Variants in MTMR9 observed in about 807,000 individuals in gnomAD.
The protein encoded by MTMR9 is myotubularin related protein 9, also known as myotubularin-related protein 9.
MTMR9 carries 39 observed loss-of-function variants against 69.5 expected under a neutral mutation model. That is an observed-to-expected ratio of 0.56 (90% CI 0.43 to 0.73). The LOEUF (loss-of-function observed/expected upper bound fraction) is 0.73, where lower values mean the gene tolerates loss of function less well. Among genes scored for constraint, MTMR9 ranks in the 30% least tolerant of loss-of-function variants. MTMR9 has a pLI of 0.00. For synonymous variants in MTMR9, 354 were observed against 240.8 expected (o/e 1.47, Z -4.35); for missense variants, 900 against 671.2 (o/e 1.34, Z -3.77).
chr8:11,287,338 T>G (rs1375712772), intron 1 of MTMR9, among the ~76,000 whole-genome samples: 2 of 152,158 alleles, frequency 1.3e-5, no homozygotes, highest in African/African-American at 4.8e-5. Context: ...GTTTCCTCCT[T>G]TTTACCTTGC....
chr8:11,315,865 T>C (rs1800393464), intron 7 of MTMR9: 1 of 152,242 alleles, frequency 6.6e-6, no homozygotes, highest in Admixed American at 6.5e-5. Flanking sequence ...TGACTGATTT[T>C]TATGTTATTT....
At chr8:11,338,782 A>T in the MTMR9 span, among the ~76,000 whole-genome samples, 2 of 152,194 alleles carry the variant, frequency 1.3e-5, no homozygotes, top group Non-Finnish European at 2.9e-5. Context: ...CTGTGGATTG[A>T]AGACAGGTAG....
At chr8:11,305,101 G>A (rs932313253) in intron 4 of MTMR9, 87 bp downstream of exon 4, 38 of 1,263,358 alleles carry the variant, frequency 3.0e-5, no homozygotes, top group Non-Finnish European at 3.7e-5. Flanking sequence ...CTCTCTGTCT[G>A]TTCACTGAAA....
chr8:11,315,743 T>A (rs1800389272), intron 7 of MTMR9: 1 of 152,420 alleles, frequency 6.6e-6, no homozygotes, highest in Non-Finnish European at 1.5e-5. Flanking sequence ...GCCTGACAAC[T>A]GACCTTACCT....
At chr8:11,302,690 A>G (rs1404776999) in intron 3 of MTMR9, among the ~76,000 whole-genome samples, 1 of 152,194 alleles carries the variant, frequency 6.6e-6, no homozygotes, top group African/African-American at 2.4e-5. Flanking sequence ...CATTGTGACT[A>G]CTTCTAGTCA....
intron 1 of MTMR9, 178 bp from the exon 2 acceptor site, chr8:11,295,016 G>T (rs1018220915): frequency 2.1e-5 from 9 of 431,804 alleles, no homozygotes; most frequent in Non-Finnish European, 3.7e-5. Context: ...GACATATATT[G>T]TAAGTAATGT....
chr8:11,321,837 C>T lies in MTMR9; in HGVS notation c.1487-788C>T, dbSNP rs1159344651. ...ATGTTGGGAGCTGCATAGAAGGGCT[C>T]ATTAGGACCCATGGCAGTTTGGTTT... is the stretch of plus-strand genomic sequence containing the variant. On this transcript the variant is annotated intron_variant, in intron 9 of 9. Coordinates refer to ENST00000221086, the MANE Select transcript of MTMR9 (RefSeq NM_015458.4). 7.2e-5 allele frequency among the ~76,000 whole-genome samples: 11 copies of T among 152,084 alleles called. No individual in the cohort carries two copies. In the East Asian group the frequency reaches 1.5e-3, roughly 21 times the overall value.
intron 6 of MTMR9, among the ~76,000 whole-genome samples, chr8:11,313,230 A>T (rs1010298854): frequency 1.3e-5 from 2 of 152,162 alleles, no homozygotes; most frequent in Non-Finnish European, 2.9e-5. Context: ...CAGCTTCCTT[A>T]CTTCTCTCAG....
At chr8:11,306,052 CTTTG>C in intron 4 of MTMR9, 134 bp from the exon 5 acceptor site, 1 of 680,074 alleles carries the variant, frequency 1.5e-6, no homozygotes. Flanking sequence ...GCAAATATTT[CTTTG>C]TTTATGGATC....
intron 3 of MTMR9, among the ~76,000 whole-genome samples, chr8:11,302,228 G>A (rs1457282010): frequency 1.5e-5 from 2 of 136,292 alleles, no homozygotes; most frequent in Non-Finnish European, 3.1e-5. Context: ...ACTCCAGCCT[G>A]GGTGAGAGAG....
intron 1 of MTMR9, among the ~76,000 whole-genome samples, chr8:11,286,978 G>A (rs1352233896): frequency 5.9e-5 from 9 of 152,058 alleles, no homozygotes; most frequent in Non-Finnish European, 1.2e-4. Context: ...TTATGTTCTG[G>A]ACGTTTTGTT....
chr8:11,286,405 CT>C (rs1799158871), intron 1 of MTMR9, among the ~76,000 whole-genome samples: 1 of 151,760 alleles, frequency 6.6e-6, no homozygotes. Context: ...TGGCTCACGC[CT>C]GTAATCCCAG....
In MTMR9 at chr8:11,315,181, T is replaced by A. The variant is rs922571468; in HGVS notation, c.1113+117T>A. On this transcript the variant is annotated intron_variant, in intron 7 of 9. Transcript: ENST00000221086. ...TTGATTAAAATTTCTAAGTTGTGTG[T>A]TTAATTTACTGCAGGACAGTTAATC... 8.0e-6 allele frequency: 10 copies of A among 1,245,326 alleles called. No individual in the cohort carries two copies. The African/African-American group carries it at 1.2e-4, about 15-fold the overall frequency. The allele number at this position is 1,245,326 out of a possible 1,614,324, so 77.1% of individuals were successfully genotyped here.
chr8:11,304,771 T>C (rs1475150346), intron 3 of MTMR9, 70 bp from the exon 4 acceptor site: 5 of 1,518,430 alleles, frequency 3.3e-6, no homozygotes, highest in Non-Finnish European at 1.8e-6. Context: ...CTAAGGTCTT[T>C]TAAAATTTCT....
intron 3 of MTMR9, among the ~76,000 whole-genome samples, chr8:11,303,565 C>T (rs1003491149): frequency 2.0e-4 from 31 of 151,984 alleles, no homozygotes; most frequent in Non-Finnish European, 4.3e-4. Flanking sequence ...AACAATCTCA[C>T]TCCAGTTGCC....
the MTMR9 span, among the ~76,000 whole-genome samples, chr8:11,334,850 A>G: frequency 6.6e-6 from 1 of 152,376 alleles, no homozygotes; most frequent in East Asian, 1.9e-4. Flanking sequence ...CCACATGGTC[A>G]TATCAGTAAA....
intron 9 of MTMR9, 61 bp from the exon 10 acceptor site, chr8:11,322,564 G>C (rs897520789): frequency 1.4e-6 from 2 of 1,398,292 alleles, no homozygotes; most frequent in African/African-American, 2.9e-5. Context: ...ATCCACAAAT[G>C]TAATTTTAAT....
chr8:11,293,291 A>G (rs1437949368), intron 1 of MTMR9, among the ~76,000 whole-genome samples: 4 of 152,230 alleles, frequency 2.6e-5, no homozygotes, highest in African/African-American at 9.6e-5. Context: ...ATAAAGAAGG[A>G]AAATATTTTT....
intron 8 of MTMR9, 70 bp from the exon 9 acceptor site, chr8:11,319,617 C>G: frequency 1.3e-6 from 2 of 1,501,732 alleles, no homozygotes; most frequent in South Asian, 1.1e-5. Flanking sequence ...AAATTGTCCT[C>G]GTAAGAGGAG....
Sources: allele counts gnomAD v4.1 joint callset (sites outside exome capture counted in the v4.1 genomes callset), GRCh38; gene constraint gnomAD v4.1.1; transcripts MANE v1.5; gene names NCBI Gene and HGNC (gene_info 2026-07-23, HGNC 2026-07-21).